The following ANAPC2 variants were observed in gnomAD, a reference collection of about 807,000 sequenced individuals.
ANAPC2 encodes the protein anaphase-promoting complex subunit 2.
A neutral mutation model predicts 84.3 loss-of-function variants in ANAPC2; 29 were observed. The observed-to-expected ratio is 0.34, with a 90% CI of 0.26 to 0.47. ANAPC2 has a LOEUF of 0.47. ANAPC2 is among the 20% of genes least tolerant of loss of function. The probability of loss-of-function intolerance (pLI) is 1.00; values close to 1 mark genes in which losing one functional copy is unlikely to be tolerated. For missense variants in ANAPC2, 857 were observed against 1,131.7 expected (o/e 0.76, Z 3.48); for synonymous variants, 571 against 479.4 (o/e 1.19, Z -2.50).
At position 137,183,666 on chromosome 9, in the gene ANAPC2, C is replaced by T; in HGVS notation, c.1168+6G>A. The stretch of plus-strand genomic sequence containing the variant: ...GAGTGCTGGGTGGCCGGGCAGCACA[C>T]AGCACCTGGATGCAGGAGCCGAGTC... On this transcript the variant is annotated splice_donor_region_variant and intron_variant, in intron 5 of 12. Coordinates refer to ENST00000323927, the MANE Select transcript of ANAPC2 (RefSeq NM_013366.4). 6.2e-7 allele frequency: 1 copy of T among 1,609,740 alleles called. No individual in the cohort carries two copies. The highest frequency in any genetic ancestry group is 2.2e-5 in the East Asian group (1 of 44,804).
rs777263918 is a variant in ANAPC2 at position 137,175,770 on chromosome 9, C to T, written c.1958G>A (p.Arg653His). 14 of 1,611,356 alleles carry T rather than the reference C, an allele frequency of 8.7e-6. No homozygotes were observed. Among genetic ancestry groups the T allele is most frequent in the Admixed American group, 1.7e-5 (1 of 59,898 alleles). The change falls in exon 11 of 13, where the codon CGC becomes CAC. Residue 653 changes from arginine to histidine, a missense_variant. By Grantham distance (29) the Arg-to-His change is conservative. Coordinates refer to ENST00000323927, the MANE Select transcript of ANAPC2 (RefSeq NM_013366.4). ...LVTMDVELADRTLSVAVTPVQ... is the reference protein window; with the variant it reads ...LVTMDVELADHTLSVAVTPVQ... The stretch of plus-strand genomic sequence containing the variant: ...TGGGGTGACCGCCACAGACAGCGTG[C>T]GGTCGGCCAGCTCCACGTCCATGGT...
chr9:137,187,886 A>C lies in ANAPC2; in HGVS notation c.335T>G (p.Leu112Arg), dbSNP rs1335611780. The C allele has an allele frequency of 1.2e-6, 2 of 1,613,786 alleles. No individual in the cohort carries two copies. Among genetic ancestry groups the C allele is most frequent in the Non-Finnish European group, 8.5e-7 (1 of 1,180,046 alleles). ...ADEPQCLLLLLDAFGLLESRL... is the reference protein window; with the variant it reads ...ADEPQCLLLLRDAFGLLESRL... ...GCTCTCCAGCAGGCCAAAAGCGTCA[A>C]GGAGTAGCAAAAGGCACTGGGGCTC... The change falls in exon 2 of 13, where the codon CTT (leucine) becomes CGT (arginine). Residue 112 changes from leucine (L) to arginine (R), a missense_variant. By Grantham distance (102) the Leu-to-Arg change is moderately radical. Coordinates refer to ENST00000323927, the MANE Select transcript of ANAPC2 (RefSeq NM_013366.4).
chr9:137,175,360 G>A lies in ANAPC2; in HGVS notation c.2133C>T (p.Gly711=), dbSNP rs1834185549. Reference sequence around the variant, plus strand: ...GCTCCTCCTCAATGACAGAGAAGGTGCCGGGGGGCTCCTCACGCAGCACAC... The same window carrying A: ...GCTCCTCCTCAATGACAGAGAAGGTACCGGGGGGCTCCTCACGCAGCACAC... ...QQGVLREEPP[G]TFSVIEEERP... The change falls in exon 12 of 13, where the codon GGC becomes GGT. Residue 711 remains glycine, a synonymous_variant. Transcript: ENST00000323927. 5.6e-6 allele frequency: 9 copies of A among 1,611,956 alleles called. No individual in the cohort carries two copies. The highest frequency in any genetic ancestry group is 6.8e-6 in the Non-Finnish European group (8 of 1,179,672).
chr9:137,175,163 ACAGGCCAGCCCCCGTCAGGCACCTG>A lies in ANAPC2; in HGVS notation c.2257-34_2257-10del. 1 of 1,605,334 alleles carries A rather than the reference ACAGGCCAGCCCCCGTCAGGCACCTG, an allele frequency of 6.2e-7. No homozygotes were observed. Among genetic ancestry groups the A allele is most frequent in the Non-Finnish European group, 8.5e-7 (1 of 1,176,644 alleles). On this transcript the variant is annotated splice_polypyrimidine_tract_variant and intron_variant, in intron 12 of 12. Coordinates refer to ENST00000323927, the MANE Select transcript of ANAPC2 (RefSeq NM_013366.4). Reference sequence around the variant, plus strand: ...ATGTACGTCCAGAAGAGCTGCGGACACAGGCCAGCCCCCGTCAGGCACCTGCAGGCCTCGCCCCCGCCCCCTGGCC... The same window carrying A: ...ATGTACGTCCAGAAGAGCTGCGGACACAGGCCTCGCCCCCGCCCCCTGGCC...
chr9:137,175,517 T>G (rs1329480632), intron 11 of ANAPC2, 45 bp from the exon 12 acceptor site: 1 of 1,509,794 alleles, frequency 6.6e-7, no homozygotes, highest in Non-Finnish European at 8.9e-7. Flanking sequence ...GGGCACGGGC[T>G]GCACCTCCCC....
chr9:137,180,424 CCGGGCAGCGGG>C lies in ANAPC2; in HGVS notation c.1686+17_1686+27del. On this transcript the variant is annotated intron_variant, in intron 9 of 12. Transcript: ENST00000323927. ...GTGTCACGGGGGACCTGCGGGGCGG[CCGGGCAGCGGG>C]CGGGGCTGGGACCCACCTTCAGCAT... The C allele has an allele frequency of 1.2e-6, 2 of 1,612,594 alleles. No homozygotes were observed. The highest frequency in any genetic ancestry group is 1.7e-6 in the Non-Finnish European group (2 of 1,179,804).
chr9:137,180,883 C>A lies in ANAPC2; in HGVS notation c.1515G>T (p.Leu505=). ...GGTCCTTGCTGCCGTAGATGCTGAC[C>A]AGCAGGCTGATGATGTCCGATGAAC... ...KRRSSDIISL[L]VSIYGSKDLF... Residue 505 remains leucine (L), a synonymous_variant, in exon 8 of 13, where the codon CTG becomes CTT. Coordinates refer to ENST00000323927, the MANE Select transcript of ANAPC2 (RefSeq NM_013366.4). 6.2e-7 allele frequency: 1 copy of A among 1,613,552 alleles called. No individual in the cohort carries two copies. The highest frequency in any genetic ancestry group is 8.5e-7 in the Non-Finnish European group (1 of 1,179,932).
chr9:137,188,203 GC>G, intron 1 of ANAPC2, 100 bp from the exon 2 acceptor site: 1 of 1,460,168 alleles, frequency 6.8e-7, no homozygotes. Context: ...AAACTCCGCT[GC>G]CCCCTGTCCG....
chr9:137,179,245 C>G (rs946097502), intron 10 of ANAPC2, among the ~76,000 whole-genome samples: 8 of 152,298 alleles, frequency 5.3e-5, no homozygotes, highest in South Asian at 2.1e-4. Flanking sequence ...CGCCTCCCCC[C>G]AGTCCTGAGC....
chr9:137,180,879 T>C lies in ANAPC2; in HGVS notation c.1519A>G (p.Ser507Gly), dbSNP rs376808319. The change falls in exon 8 of 13, where the codon AGC becomes GGC. Residue 507 changes from serine to glycine, a missense_variant. Ser to Gly is a moderately conservative substitution (Grantham distance 56). Transcript: ENST00000323927. ...AAGAGGTCCTTGCTGCCGTAGATGC[T>C]GACCAGCAGGCTGATGATGTCCGAT... ...RSSDIISLLV[S>G]IYGSKDLFIN... is the part of the protein sequence containing the mutation. 15 of 1,613,446 alleles carry C rather than the reference T, an allele frequency of 9.3e-6. No individual in the cohort carries two copies. Among genetic ancestry groups the C allele is most frequent in the Non-Finnish European group, 1.3e-5 (15 of 1,179,958 alleles).
Position 137,183,786 on chromosome 9 carries a change from G to A in ANAPC2, c.1054C>T (p.Pro352Ser). Residue 352 changes from proline (P) to serine (S), a missense_variant, in exon 5 of 13, where the codon CCA (proline) becomes TCA (serine). By Grantham distance (74) the Pro-to-Ser change is moderately conservative. Transcript: ENST00000323927. ...EELFSIVRDF[P>S]DSRPAIEDLK... The stretch of plus-strand genomic sequence containing the variant: ...TCCTCGATGGCTGGCCGGGAGTCTG[G>A]GAAGTCTACAAGAAGAAGAACATCC... 1 of 1,613,164 alleles carries A rather than the reference G, an allele frequency of 6.2e-7. No homozygotes were observed. The highest frequency in any genetic ancestry group is 1.1e-5 in the South Asian group (1 of 91,078).
chr9:137,179,439 C>A (rs1056187113), intron 10 of ANAPC2, among the ~76,000 whole-genome samples: 5 of 152,210 alleles, frequency 3.3e-5, no homozygotes, highest in African/African-American at 1.2e-4. Flanking sequence ...AGGGAAAGAA[C>A]CGCCAAGCCT....
At chr9:137,186,475 C>T (rs1234552444) in intron 2 of ANAPC2, 119 bp from the exon 3 acceptor site, 1 of 1,340,610 alleles carries the variant, frequency 7.5e-7, no homozygotes, top group Non-Finnish European at 1.0e-6. Flanking sequence ...CACACACACA[C>T]ACCCAGCACA....
intron 7 of ANAPC2, among the ~76,000 whole-genome samples, chr9:137,181,230 C>T (rs542939959): frequency 6.6e-6 from 1 of 152,348 alleles, no homozygotes; most frequent in African/African-American, 2.4e-5. Flanking sequence ...TGAAGACTTA[C>T]CATCTGTGCC....
chr9:137,187,495 C>G lies in ANAPC2; in HGVS notation c.726G>C (p.Gln242His). ...WCRQALEQFH[Q>H]LSQVLHRLSL... The stretch of plus-strand genomic sequence containing the variant: ...AGACTACTCACAAGACCTGGCTGAG[C>G]TGATGGAACTGCTCCAGAGCCTGGC... Residue 242 changes from glutamine (Q) to histidine (H), a missense_variant, in exon 2 of 13, where the codon CAG becomes CAC. Physicochemically the swap from Gln to His is conservative, Grantham distance 24. Transcript: ENST00000323927. 6.2e-7 allele frequency: 1 copy of G among 1,606,952 alleles called. No homozygotes were observed. The highest frequency in any genetic ancestry group is 1.1e-5 in the South Asian group (1 of 90,936).
chr9:137,177,970 C>T (rs1271618898), intron 10 of ANAPC2, among the ~76,000 whole-genome samples: 1 of 152,112 alleles, frequency 6.6e-6, no homozygotes, highest in Non-Finnish European at 1.5e-5. Context: ...CCCTGCTGAC[C>T]CTGACTTTAG....
rs1488647809 is a variant in ANAPC2, at chr9:137,180,396, C to T, written c.1687-12G>A. On this transcript the variant is annotated splice_polypyrimidine_tract_variant and intron_variant, in intron 9 of 12. Transcript: ENST00000323927. Reference sequence around the variant, plus strand: ...GAGTCCGCCATGTCCTGAGGAGGAGCCGGTGTCACGGGGGACCTGCGGGGC... The same window carrying T: ...GAGTCCGCCATGTCCTGAGGAGGAGTCGGTGTCACGGGGGACCTGCGGGGC... 1 of 1,612,586 alleles carries T rather than the reference C, an allele frequency of 6.2e-7. No homozygotes were observed. Among genetic ancestry groups the T allele is most frequent in the Admixed American group, 1.7e-5 (1 of 60,030 alleles).
chr9:137,175,986 C>T (rs1195094053), intron 10 of ANAPC2, 149 bp from the exon 11 acceptor site: 1 of 1,011,226 alleles, frequency 9.9e-7, no homozygotes, highest in Non-Finnish European at 1.4e-6. Context: ...GAGCACAGGA[C>T]TGGGTGGGGT....
At position 137,180,308 on chromosome 9, in the gene ANAPC2, G is replaced by C. The variant is rs201768062; in HGVS notation, c.1763C>G (p.Pro588Arg). The C allele has an allele frequency of 6.2e-7, 1 of 1,613,500 alleles. No individual in the cohort carries two copies. The highest frequency in any genetic ancestry group is 1.1e-5 in the South Asian group (1 of 91,092). Residue 588 changes from proline (P) to arginine (R), a missense_variant, in exon 10 of 13, where the codon CCG becomes CGG. By Grantham distance (103) the Pro-to-Arg change is moderately radical (BLOSUM62 -2). Transcript: ENST00000323927. Reference protein sequence around the residue: ...DEKRPAEEQPPFGVYAVILSS... With the variant: ...DEKRPAEEQPRFGVYAVILSS... ...CAGGATGACAGCGTAGACCCCGAAC[G>C]GTGGCTGCTCCTCTGCTGGCCGCTT...
Sources: allele counts gnomAD v4.1 joint callset (sites outside exome capture counted in the v4.1 genomes callset), GRCh38; gene constraint gnomAD v4.1.1; transcripts MANE v1.5; gene names NCBI Gene and HGNC (gene_info 2026-07-23, HGNC 2026-07-21).